PTPRO: variants seen among roughly 807,000 people sequenced by gnomAD.
PTPRO encodes the protein receptor-type tyrosine-protein phosphatase O.
In PTPRO, 62 loss-of-function variants were observed where a neutral mutation model predicts 145.2. The ratio of observed to expected loss-of-function variants is 0.43; its 90% CI spans 0.35 to 0.53. The LOEUF (loss-of-function observed/expected upper bound fraction) is 0.53. PTPRO is among the 20% of genes least tolerant of loss of function. PTPRO has a pLI of 0.01. For synonymous variants in PTPRO, 565 were observed against 514.7 expected (o/e 1.10, Z -1.32); for missense variants, 1,345 against 1,482.7 (o/e 0.91, Z 1.53).
chr12:15,347,127 C>T (rs2136225322), intron 1 of PTPRO, among the ~76,000 whole-genome samples: 1 of 152,294 alleles, frequency 6.6e-6, no homozygotes, highest in East Asian at 1.9e-4. Flanking sequence ...TCCTGACCTC[C>T]TCTCCTTTAA....
intron 17 of PTPRO, 55 bp from the exon 18 acceptor site, chr12:15,565,538 A>T (rs1220032925): frequency 8.6e-7 from 1 of 1,165,228 alleles, no homozygotes; most frequent in Non-Finnish European, 1.3e-6. Context: ...TTTAATTATT[A>T]TGTTAATCAA....
At chr12:15,446,298 G>T (rs1940900886) in intron 1 of PTPRO, among the ~76,000 whole-genome samples, 1 of 152,040 alleles carries the variant, frequency 6.6e-6, no homozygotes, top group African/African-American at 2.4e-5. Context: ...TCAATGTAGA[G>T]AAAATTATTA....
chr12:15,344,354 C>T (rs192162321), intron 1 of PTPRO, among the ~76,000 whole-genome samples: 1 of 152,290 alleles, frequency 6.6e-6, no homozygotes, highest in Non-Finnish European at 1.5e-5. Context: ...TCAGAGCACT[C>T]TTTTGCAAAT....
At chr12:15,484,447 A>ATTTTTTTTTTTTTTTTTTTTTTTTTTTTT (rs1941844984) in intron 2 of PTPRO, among the ~76,000 whole-genome samples, 200 bp downstream of exon 2, 1 of 152,126 alleles carries the variant, frequency 6.6e-6, no homozygotes, top group South Asian at 2.1e-4. Flanking sequence ...TAACAAAAAT[A>ATTTTTTTTTTTTTTTTTTTTTTTTTTTTT]TTTTTAAACC....
chr12:15,370,275 T>A (rs545163885), intron 1 of PTPRO, among the ~76,000 whole-genome samples: 3 of 152,268 alleles, frequency 2.0e-5, no homozygotes, highest in Non-Finnish European at 4.4e-5. Flanking sequence ...CAGCCTCCTT[T>A]ATGTCTGAAT....
Position 15,589,520 on chromosome 12 carries a change from A to G in PTPRO, c.3476A>G (p.His1159Arg). Reference sequence around the variant, plus strand: ...AGGCTCTTGCAGCACATTCGGGATCATGAGTTTGTTGACATCTTAGGGCTG... The same window carrying G: ...AGGCTCTTGCAGCACATTCGGGATCGTGAGTTTGTTGACATCTTAGGGCTG... Reference protein sequence around the residue: ...LDRLLQHIRDHEFVDILGLVS... With the variant: ...LDRLLQHIRDREFVDILGLVS... The change falls in exon 25 of 27, where the codon CAT becomes CGT. Residue 1159 changes from histidine to arginine, a missense_variant. Physicochemically the swap from His to Arg is conservative, Grantham distance 29 (BLOSUM62 0). Transcript: ENST00000281171. 1 of 1,614,140 alleles carries G rather than the reference A, an allele frequency of 6.2e-7. No individual in the cohort carries two copies. The highest frequency in any genetic ancestry group is 8.5e-7 in the Non-Finnish European group (1 of 1,180,008).
chr12:15,504,497 C>T (rs1162797365), intron 6 of PTPRO, among the ~76,000 whole-genome samples: 1 of 152,112 alleles, frequency 6.6e-6, no homozygotes, highest in Non-Finnish European at 1.5e-5. Flanking sequence ...TGTGGGTACA[C>T]CCCGATGGTC....
In PTPRO at chr12:15,526,217, A is replaced by G. The variant is rs775978795; in HGVS notation, c.2119A>G (p.Thr707Ala). 1 of 1,613,992 alleles carries G rather than the reference A, an allele frequency of 6.2e-7. No homozygotes were observed. Among genetic ancestry groups the G allele is most frequent in the Non-Finnish European group, 8.5e-7 (1 of 1,179,904 alleles). ...DIYNLSVTAC[T>A]ERGSNTSMLR... Reference sequence around the variant, plus strand: ...CTATAACCTCTCAGTAACTGCTTGTACTGAAAGAGGAAGTAATACCTCCAT... The same window carrying G: ...CTATAACCTCTCAGTAACTGCTTGTGCTGAAAGAGGAAGTAATACCTCCAT... Residue 707 changes from threonine (T) to alanine (A), a missense_variant, in exon 12 of 27, where the codon ACT becomes GCT. Thr to Ala is a moderately conservative substitution (Grantham distance 58). Transcript: ENST00000281171.
At chr12:15,439,860 A>C (rs1289426995) in intron 1 of PTPRO, 2 of 634,576 alleles carry the variant, frequency 3.2e-6, no homozygotes, top group African/African-American at 1.8e-5. Flanking sequence ...ATGATGGTGC[A>C]GAAGCAGACC....
At chr12:15,460,783 C>G (rs1196827392) in intron 1 of PTPRO, among the ~76,000 whole-genome samples, 3 of 152,194 alleles carry the variant, frequency 2.0e-5, no homozygotes, top group Non-Finnish European at 4.4e-5. Flanking sequence ...TATTCTTGGA[C>G]AGGACTCTTT....
intron 19 of PTPRO, among the ~76,000 whole-genome samples, chr12:15,576,753 A>AT (rs1944194352): frequency 6.6e-6 from 1 of 152,242 alleles, no homozygotes; most frequent in African/African-American, 2.4e-5. Flanking sequence ...AGGTGTGGAG[A>AT]AATTACTAGC....
chr12:15,551,340 T>G (rs915060173), intron 14 of PTPRO, among the ~76,000 whole-genome samples: 1 of 152,230 alleles, frequency 6.6e-6, no homozygotes, highest in African/African-American at 2.4e-5. Context: ...GACTCAATTC[T>G]TCCAGACACC....
At chr12:15,341,033 G>A (rs1204482342) in intron 1 of PTPRO, among the ~76,000 whole-genome samples, 1 of 152,066 alleles carries the variant, frequency 6.6e-6, no homozygotes, top group East Asian at 1.9e-4. Context: ...TACATCCCCA[G>A]GAGGCCTATT....
chr12:15,542,226 G>A (rs1204590946), intron 12 of PTPRO, among the ~76,000 whole-genome samples: 2 of 152,192 alleles, frequency 1.3e-5, no homozygotes, highest in African/African-American at 2.4e-5. Context: ...CATGAGTCAT[G>A]TAAACCAGGG....
At chr12:15,417,386 A>T (rs1438730757) in intron 1 of PTPRO, among the ~76,000 whole-genome samples, 1 of 151,838 alleles carries the variant, frequency 6.6e-6, no homozygotes, top group East Asian at 1.9e-4. Flanking sequence ...ATAACTCTGA[A>T]CACAAACAGC....
At chr12:15,444,646 C>CAACAAA (rs1940855910) in intron 1 of PTPRO, among the ~76,000 whole-genome samples, 1 of 150,826 alleles carries the variant, frequency 6.6e-6, no homozygotes, top group African/African-American at 2.4e-5. Context: ...GTAAAGCCTT[C>CAACAAA]AGGAGGTTAT....
intron 1 of PTPRO, among the ~76,000 whole-genome samples, chr12:15,342,116 G>A (rs1001049593): frequency 5.3e-5 from 8 of 152,056 alleles, no homozygotes; most frequent in African/African-American, 1.9e-4. Flanking sequence ...TAATTAACAC[G>A]GTAGTACTTT....
chr12:15,389,389 G>C (rs575790903), intron 1 of PTPRO, among the ~76,000 whole-genome samples: 2 of 152,230 alleles, frequency 1.3e-5, no homozygotes, highest in East Asian at 1.9e-4. Flanking sequence ...TTACAGGCGA[G>C]AGACACCACA....
intron 1 of PTPRO, among the ~76,000 whole-genome samples, chr12:15,370,650 A>G (rs1185468911): frequency 2.0e-5 from 3 of 152,196 alleles, no homozygotes; most frequent in African/African-American, 7.2e-5. Flanking sequence ...CTTAATCCAT[A>G]AAACATTTTT....
Sources: gnomAD v4.1 joint callset for allele counts (sites outside exome capture counted in the v4.1 genomes callset) on GRCh38, gnomAD v4.1.1 for gene constraint, MANE v1.5 for transcripts, NCBI Gene and HGNC (gene_info 2026-07-23, HGNC 2026-07-21) for gene names.